MRPL1: variants seen among roughly 807,000 people sequenced by gnomAD.
MRPL1 encodes mitochondrial ribosomal protein L1.
Under a neutral mutation model 38.0 loss-of-function variants are expected in MRPL1, and 28 were observed. That is an observed-to-expected ratio of 0.74 (90% CI 0.55 to 1.01). The LOEUF (loss-of-function observed/expected upper bound fraction) is 1.01, where lower values mean the gene tolerates loss of function less well. MRPL1 is among the 50% of genes least tolerant of loss of function. MRPL1 has a pLI of 0.00. For missense variants in MRPL1, 358 were observed against 389.8 expected (o/e 0.92, Z 0.69); for synonymous variants, 123 against 126.7 (o/e 0.97, Z 0.20).
chr4:77,899,687 G>T (rs1735995379), intron 6 of MRPL1, among the ~76,000 whole-genome samples: 1 of 152,032 alleles, frequency 6.6e-6, no homozygotes, highest in East Asian at 1.9e-4. Flanking sequence ...AAAAGAGAAG[G>T]TATTTTAGGA....
intron 6 of MRPL1, 107 bp from the exon 7 acceptor site, chr4:77,909,159 C>A: frequency 1.3e-6 from 1 of 754,518 alleles, no homozygotes; most frequent in Non-Finnish European, 2.3e-6. Context: ...AGTTTATCTG[C>A]CACAATTTAT....
intron 7 of MRPL1, among the ~76,000 whole-genome samples, chr4:77,948,425 G>A (rs372051681): frequency 1.7e-4 from 26 of 152,060 alleles, no homozygotes; most frequent in Admixed American, 6.6e-4. Flanking sequence ...AAGTCTGTAC[G>A]GTGTATGGAC....
chr4:77,946,078 A>T (rs1438442401), intron 7 of MRPL1, among the ~76,000 whole-genome samples: 1 of 152,140 alleles, frequency 6.6e-6, no homozygotes, highest in Non-Finnish European at 1.5e-5. Context: ...GCAGGAGACC[A>T]GGGCGTATTT....
chr4:77,868,421 T>G (rs1735204349), intron 1 of MRPL1, among the ~76,000 whole-genome samples: 1 of 152,106 alleles, frequency 6.6e-6, no homozygotes, highest in South Asian at 2.1e-4. Flanking sequence ...TTTTGTATTT[T>G]TAGTAGAGAC....
chr4:77,936,890 C>T (rs774683437), intron 7 of MRPL1, among the ~76,000 whole-genome samples: 1 of 152,018 alleles, frequency 6.6e-6, no homozygotes, highest in Non-Finnish European at 1.5e-5. Context: ...TTTGGGAAGC[C>T]GAGATGGGAG....
At chr4:77,919,695 T>G (rs1736517431) in intron 7 of MRPL1, among the ~76,000 whole-genome samples, 1 of 152,084 alleles carries the variant, frequency 6.6e-6, no homozygotes, top group Non-Finnish European at 1.5e-5. Flanking sequence ...AAAGAAAAAT[T>G]TAAAATGTGT....
chr4:77,880,859 G>A (rs1333723198), intron 2 of MRPL1, among the ~76,000 whole-genome samples: 1 of 152,184 alleles, frequency 6.6e-6, no homozygotes, highest in African/African-American at 2.4e-5. Context: ...GGCTGGGTTT[G>A]ATGGATATCT....
intron 6 of MRPL1, among the ~76,000 whole-genome samples, chr4:77,907,644 A>G (rs1057035216): frequency 6.6e-6 from 1 of 151,494 alleles, no homozygotes; most frequent in African/African-American, 2.4e-5. Flanking sequence ...AGCTCACTGC[A>G]ACCTCCGCCT....
chr4:77,931,217 AC>A (rs1736836819), intron 7 of MRPL1, among the ~76,000 whole-genome samples: 1 of 152,236 alleles, frequency 6.6e-6, no homozygotes, highest in South Asian at 2.1e-4. Context: ...AACACGAAGA[AC>A]AGAAGCAATT....
intron 2 of MRPL1, among the ~76,000 whole-genome samples, chr4:77,881,853 C>A (rs1166439242): frequency 6.6e-6 from 1 of 152,182 alleles, no homozygotes; most frequent in Non-Finnish European, 1.5e-5. Flanking sequence ...GGAACAGACT[C>A]TTAATTGTTT....
In MRPL1 at chr4:77,882,967, A is replaced by G. The variant is rs574160318; in HGVS notation, c.144-275A>G. Among the ~76,000 whole-genome samples, 5 of 152,294 alleles carry G rather than the reference A, an allele frequency of 3.3e-5. No individual in the cohort carries two copies. The South Asian group carries it at 1.0e-3, about 32-fold the overall frequency. On this transcript the variant is annotated intron_variant, in intron 2 of 8. Coordinates refer to ENST00000315567, the MANE Select transcript of MRPL1 (RefSeq NM_020236.4). ...TGATGCTCTTGTATTACTACATTATATTGAAATGACCTGTTAGTATGTCTT... is the reference window on the plus strand; with the variant it reads ...TGATGCTCTTGTATTACTACATTATGTTGAAATGACCTGTTAGTATGTCTT...
At chr4:77,934,373 T>G (rs898203856) in intron 7 of MRPL1, among the ~76,000 whole-genome samples, 5 of 152,114 alleles carry the variant, frequency 3.3e-5, no homozygotes, top group Admixed American at 2.6e-4. Flanking sequence ...AATAACTCAA[T>G]TTTGAAAGGA....
chr4:77,865,559 T>A (rs1735108699), intron 1 of MRPL1, among the ~76,000 whole-genome samples: 1 of 151,982 alleles, frequency 6.6e-6, no homozygotes, highest in South Asian at 2.1e-4. Context: ...AGAGATGAGA[T>A]CTCACTGTGT....
chr4:77,884,632 A>G (rs964338169), intron 3 of MRPL1, among the ~76,000 whole-genome samples: 3 of 152,238 alleles, frequency 2.0e-5, no homozygotes, highest in South Asian at 2.1e-4. Context: ...TGTTTCAAAA[A>G]TAGAGTCACT....
chr4:77,948,706 A>G (rs1325899570), intron 7 of MRPL1, among the ~76,000 whole-genome samples: 4 of 151,960 alleles, frequency 2.6e-5, no homozygotes, highest in Non-Finnish European at 4.4e-5. Flanking sequence ...TTGAACTTCA[A>G]CTGTTGTACT....
At chr4:77,898,043 C>T (rs1735958020) in intron 6 of MRPL1, among the ~76,000 whole-genome samples, 1 of 152,138 alleles carries the variant, frequency 6.6e-6, no homozygotes, top group South Asian at 2.1e-4. Context: ...ACACACTAAG[C>T]ACTCTCCCTC....
chr4:77,945,053 A>C (rs1737222630), intron 7 of MRPL1, among the ~76,000 whole-genome samples: 1 of 151,736 alleles, frequency 6.6e-6, no homozygotes, highest in Non-Finnish European at 1.5e-5. Context: ...TCTTGGGAGA[A>C]ATGAATAAGA....
intron 7 of MRPL1, among the ~76,000 whole-genome samples, chr4:77,946,196 G>T (rs1486467926): frequency 6.6e-6 from 1 of 151,918 alleles, no homozygotes; most frequent in African/African-American, 2.4e-5. Context: ...TAAAAGAATT[G>T]AGCGATATTG....
intron 7 of MRPL1, among the ~76,000 whole-genome samples, chr4:77,917,346 A>G (rs1242214041): frequency 1.3e-5 from 2 of 152,148 alleles, no homozygotes; most frequent in Admixed American, 1.3e-4. Context: ...TGTAAAATTG[A>G]AGTGTTCACA....
Sources: gnomAD v4.1 joint callset for allele counts (sites outside exome capture counted in the v4.1 genomes callset) on GRCh38, gnomAD v4.1.1 for gene constraint, MANE v1.5 for transcripts, NCBI Gene and HGNC (gene_info 2026-07-23, HGNC 2026-07-21) for gene names.